Variants in BIRC6 observed in about 807,000 individuals in gnomAD.
BIRC6 encodes the protein baculoviral IAP repeat containing 6.
A neutral mutation model predicts 503.3 loss-of-function variants in BIRC6; 98 were observed. The observed-to-expected ratio is 0.19, with a 90% CI of 0.17 to 0.23. BIRC6 has a LOEUF of 0.23. Ranked by LOEUF, BIRC6 falls within the 10% of genes least tolerant of loss-of-function variation. The pLI, the probability that BIRC6 is intolerant of heterozygous loss-of-function variation, is 1.00. For missense variants in BIRC6, 5,360 were observed against 5,806.0 expected (o/e 0.92, Z 2.50); for synonymous variants, 2,240 against 2,078.7 (o/e 1.08, Z -2.11).
chr2:32,583,145 C>A (rs1265192848), intron 66 of BIRC6, among the ~76,000 whole-genome samples: 1 of 152,150 alleles, frequency 6.6e-6, no homozygotes, highest in Non-Finnish European at 1.5e-5. Flanking sequence ...TTAATTTCAT[C>A]TTTTCTGACT....
intron 53 of BIRC6, among the ~76,000 whole-genome samples, chr2:32,510,879 C>G (rs150789504): frequency 6.6e-6 from 1 of 152,064 alleles, no homozygotes; most frequent in Non-Finnish European, 1.5e-5. Flanking sequence ...GTTAATACTG[C>G]TTTTGAGGAA....
chr2:32,480,485 A>G (rs1425483899), intron 37 of BIRC6, among the ~76,000 whole-genome samples: 1 of 152,140 alleles, frequency 6.6e-6, no homozygotes, highest in East Asian at 1.9e-4. Flanking sequence ...GTTATGTTGA[A>G]TAAGAGGATA....
chr2:32,575,083 A>G, intron 65 of BIRC6, 73 bp from the exon 66 acceptor site: 1 of 1,512,508 alleles, frequency 6.6e-7, no homozygotes, highest in South Asian at 1.2e-5. Context: ...TCCAGGTAAA[A>G]GCTACATTCC....
rs1026868520 is a variant in BIRC6 at position 32,357,703 on chromosome 2, A to G, written c.325+217A>G. 6.6e-6 allele frequency among the ~76,000 whole-genome samples: 1 copy of G among 151,530 alleles called. No homozygotes were observed. Among genetic ancestry groups the G allele is most frequent in the African/African-American group, 2.4e-5 (1 of 41,174 alleles). On this transcript the variant is annotated intron_variant, in intron 1 of 73. Transcript: ENST00000421745. The surrounding 1 kb of genome is among the most constrained non-coding windows in gnomAD (Gnocchi z 4.9). ...GGGAGGAAAGACCGGCGAGTCAGGG[A>G]GTGGTGGGAGGGGAGTTGCCTTTCG... is the stretch of plus-strand genomic sequence containing the variant.
chr2:32,493,520 G>A lies in BIRC6; in HGVS notation c.8341-20G>A, dbSNP rs368177846. ...ATGTTACCAGTAAGCAGTTTTCAGT[G>A]AATATACATTTCTCTTTAGGTTGGT... On this transcript the variant is annotated intron_variant, in intron 44 of 73. Coordinates refer to ENST00000421745, the MANE Select transcript of BIRC6 (RefSeq NM_016252.4). 1 of 1,581,744 alleles carries A rather than the reference G, an allele frequency of 6.3e-7. No individual in the cohort carries two copies. The highest frequency in any genetic ancestry group is 1.2e-5 in the South Asian group (1 of 86,470).
intron 39 of BIRC6, among the ~76,000 whole-genome samples, chr2:32,483,698 A>G (rs561375330): frequency 6.6e-6 from 1 of 152,336 alleles, no homozygotes; most frequent in East Asian, 1.9e-4. Context: ...TGAAGATGGC[A>G]GGCCAGTTAT....
chr2:32,597,700 A>G (rs1293971493), intron 68 of BIRC6, 51 bp from the exon 69 acceptor site: 2 of 1,367,364 alleles, frequency 1.5e-6, no homozygotes, highest in Admixed American at 1.9e-5. Context: ...GATTTTTGTC[A>G]TTATAACAAT....
intron 1 of BIRC6, among the ~76,000 whole-genome samples, chr2:32,363,932 G>T (rs947970937): frequency 2.5e-4 from 38 of 152,212 alleles, no homozygotes; most frequent in African/African-American, 9.2e-4. Flanking sequence ...TTTATACATA[G>T]AGGATAGGCA....
At chr2:32,434,507 G>A (rs2044470259) in intron 13 of BIRC6, among the ~76,000 whole-genome samples, 1 of 151,850 alleles carries the variant, frequency 6.6e-6, no homozygotes, top group Admixed American at 6.6e-5. Context: ...ATACTTTGGG[G>A]GGGAAAAAAT....
chr2:32,518,605 G>A (rs1462869420), intron 56 of BIRC6, among the ~76,000 whole-genome samples: 1 of 152,166 alleles, frequency 6.6e-6, no homozygotes, highest in Non-Finnish European at 1.5e-5. Context: ...AGCCTGAGAA[G>A]TATAGTTTGA....
At chr2:32,423,473 C>A (rs2043152446) in intron 10 of BIRC6, among the ~76,000 whole-genome samples, 1 of 152,152 alleles carries the variant, frequency 6.6e-6, no homozygotes. Flanking sequence ...TCATTCTACC[C>A]TCCGCTGCTG....
intron 1 of BIRC6, among the ~76,000 whole-genome samples, chr2:32,370,660 G>T (rs1026723632): frequency 1.1e-4 from 17 of 152,070 alleles, no homozygotes; most frequent in African/African-American, 4.1e-4. Flanking sequence ...AAAGCTTTGT[G>T]AGAACCTTAC....
intron 8 of BIRC6, among the ~76,000 whole-genome samples, chr2:32,404,404 G>C (rs1482750279): frequency 6.6e-6 from 1 of 151,430 alleles, no homozygotes; most frequent in Non-Finnish European, 1.5e-5. Flanking sequence ...TGCAATCTCT[G>C]CCTCCCAGGT....
chr2:32,477,311 T>G, intron 34 of BIRC6, 57 bp from the exon 35 acceptor site: 2 of 1,552,440 alleles, frequency 1.3e-6, no homozygotes, highest in African/African-American at 2.7e-5. Context: ...AAATCTATAC[T>G]GAAAAAATTT....
Position 32,439,611 on chromosome 2 carries a change from G to T in BIRC6, c.3735G>T (p.Arg1245Ser). 1 of 1,613,924 alleles carries T rather than the reference G, an allele frequency of 6.2e-7. No individual in the cohort carries two copies. Among genetic ancestry groups the T allele is most frequent in the Non-Finnish European group, 8.5e-7 (1 of 1,179,864 alleles). Residue 1245 changes from arginine (R) to serine (S), a missense_variant, in exon 16 of 74, where the codon AGG (arginine) becomes AGT (serine). Around this residue, in one of 16 missense-constraint regions of BIRC6, gnomAD observed 2,299 missense variants for 2,267.2 expected, o/e 1.01. Coordinates refer to ENST00000421745, the MANE Select transcript of BIRC6 (RefSeq NM_016252.4). ...ATGGTGGTATGCGTCCTGTAGTAAGGCTTCCATCCCTAAAACACCAGAGTA... is the reference window on the plus strand; with the variant it reads ...ATGGTGGTATGCGTCCTGTAGTAAGTCTTCCATCCCTAAAACACCAGAGTA... ...ICNGGMRPVV[R>S]LPSLKHQSNK...
chr2:32,461,045 CTCTTCTCTTCTCTTCTCTTCTGT>C (rs1297639095), intron 23 of BIRC6, among the ~76,000 whole-genome samples: 2,853 of 77,650 alleles, frequency 0.037, 217 homozygotes, highest in Non-Finnish European at 0.053. Flanking sequence ...CTCTTCTCTT[CTCTTCTCTTCTCTTCTCTTCTGT>C]TCTCCTCTCC....
chr2:32,407,445 C>CA (rs760585710), intron 9 of BIRC6, among the ~76,000 whole-genome samples: 2,518 of 68,938 alleles, frequency 0.037, 74 homozygotes, highest in African/African-American at 0.053. Context: ...AACTCTGTCT[C>CA]AAAAAAAAAA....
At chr2:32,570,601 C>T (rs951315094) in intron 65 of BIRC6, among the ~76,000 whole-genome samples, 9 of 151,932 alleles carry the variant, frequency 5.9e-5, no homozygotes, top group South Asian at 2.1e-4. Context: ...TGGGTTCAAG[C>T]GATTCTCCTG....
At chr2:32,556,033 A>C (rs2058755507) in intron 65 of BIRC6, among the ~76,000 whole-genome samples, 1 of 152,184 alleles carries the variant, frequency 6.6e-6, no homozygotes, top group Admixed American at 6.5e-5. Flanking sequence ...CAGTACCAAT[A>C]AAAATTAAAA....
Sources: allele counts gnomAD v4.1 joint callset (sites outside exome capture counted in the v4.1 genomes callset), GRCh38; gene constraint gnomAD v4.1.1; regional missense constraint gnomAD v4.1.1; non-coding constraint Gnocchi (gnomAD v3.1); transcripts MANE v1.5; gene names NCBI Gene and HGNC (gene_info 2026-07-23, HGNC 2026-07-21).